The following ERC2 variants were observed in gnomAD, a reference collection of about 807,000 sequenced individuals.
ERC2 encodes the protein ERC protein 2.
Under a neutral mutation model 114.8 loss-of-function variants are expected in ERC2, and 42 were observed. The ratio of observed to expected loss-of-function variants is 0.37; its 90% CI spans 0.29 to 0.47. The LOEUF is 0.47. Ranked by LOEUF, ERC2 falls within the 20% of genes least tolerant of loss-of-function variation. ERC2 has a pLI of 0.99. For synonymous variants in ERC2, 454 were observed against 425.5 expected (o/e 1.07, Z -0.82); for missense variants, 939 against 1,150.7 (o/e 0.82, Z 2.66).
chr3:56,170,665 T>C (rs1343104987), intron 4 of ERC2, among the ~76,000 whole-genome samples: 13 of 148,302 alleles, frequency 8.8e-5, no homozygotes, highest in Non-Finnish European at 5.9e-5. Context: ...GGCGAGATCT[T>C]GGCTCACTGC....
chr3:55,535,317 T>G (rs949537349), intron 17 of ERC2, among the ~76,000 whole-genome samples: 5 of 152,212 alleles, frequency 3.3e-5, no homozygotes, highest in African/African-American at 1.2e-4. Flanking sequence ...GCCAACTTGC[T>G]GGAATTCCAC....
intron 2 of ERC2, among the ~76,000 whole-genome samples, chr3:56,374,348 C>T (rs2150598561): frequency 6.6e-6 from 1 of 152,316 alleles, no homozygotes; most frequent in Non-Finnish European, 1.5e-5. Flanking sequence ...CTGCCCACCT[C>T]AGCCTCCCAA....
chr3:55,693,251 T>C (rs1447154478), intron 16 of ERC2, among the ~76,000 whole-genome samples: 3 of 152,180 alleles, frequency 2.0e-5, no homozygotes, highest in African/African-American at 4.8e-5. Context: ...CAGAATGCAA[T>C]AGGGAAAACC....
At chr3:55,593,074 T>G (rs980504500) in intron 17 of ERC2, among the ~76,000 whole-genome samples, 1 of 152,228 alleles carries the variant, frequency 6.6e-6, no homozygotes, top group Non-Finnish European at 1.5e-5. Context: ...TATGCCATGT[T>G]GTGCTGTGAG....
chr3:56,370,595 GTTT>G (rs71621814), intron 2 of ERC2, among the ~76,000 whole-genome samples: 2 of 124,038 alleles, frequency 1.6e-5, no homozygotes, highest in African/African-American at 3.0e-5. Context: ...GGGTTTTTTT[GTTT>G]TTTTTTTTTT....
chr3:56,152,970 C>T lies in ERC2; in HGVS notation c.1150-3838G>A, dbSNP rs190934588. ...AGGCCCACCGCACTAATGTCTAAGCCAGCCTTAAATACTAGCACTAGCCCA... is the reference window on the plus strand; with the variant it reads ...AGGCCCACCGCACTAATGTCTAAGCTAGCCTTAAATACTAGCACTAGCCCA... On this transcript the variant is annotated intron_variant, in intron 4 of 17. Transcript: ENST00000288221. Among the ~76,000 whole-genome samples the T allele has an allele frequency of 2.4e-3, 370 of 152,260 alleles. 3 individuals are homozygous for T. Among genetic ancestry groups the T allele is most frequent in the African/African-American group, 8.4e-3 (349 of 41,542 alleles).
At chr3:55,797,511 C>A (rs1331654436) in intron 14 of ERC2, among the ~76,000 whole-genome samples, 1 of 152,218 alleles carries the variant, frequency 6.6e-6, no homozygotes, top group Non-Finnish European at 1.5e-5. Context: ...ATTTCAGTCA[C>A]TTGCGGTTCC....
intron 17 of ERC2, among the ~76,000 whole-genome samples, chr3:55,599,452 C>T (rs1575716772): frequency 6.6e-6 from 1 of 152,176 alleles, no homozygotes; most frequent in Non-Finnish European, 1.5e-5. Context: ...AGTGTCTATG[C>T]ACACACCAGA....
At chr3:56,036,263 A>G (rs1002212687) in intron 7 of ERC2, among the ~76,000 whole-genome samples, 1 of 152,218 alleles carries the variant, frequency 6.6e-6, no homozygotes, top group Non-Finnish European at 1.5e-5. Context: ...CTCAATGGAG[A>G]GAAGCTGAAA....
chr3:56,401,414 G>C (rs1546061), intron 2 of ERC2, among the ~76,000 whole-genome samples: 68,716 of 151,970 alleles, frequency 0.45, 16,613 homozygotes, highest in African/African-American at 0.61. Context: ...AAATCTTTTT[G>C]TATGTAAATT....
At chr3:56,457,522 A>T (rs1363516958) in intron 1 of ERC2, among the ~76,000 whole-genome samples, 2 of 152,134 alleles carry the variant, frequency 1.3e-5, no homozygotes, top group African/African-American at 2.4e-5. Flanking sequence ...ATGACGGTGA[A>T]ATAAAAGGAG....
At chr3:56,009,670 G>A (rs1261767268) in intron 9 of ERC2, among the ~76,000 whole-genome samples, 3 of 152,130 alleles carry the variant, frequency 2.0e-5, no homozygotes, top group Non-Finnish European at 2.9e-5. Context: ...GCATCTCAGA[G>A]CTGTGAGGAT....
chr3:56,369,826 G>A lies in ERC2; in HGVS notation c.657+64525C>T, dbSNP rs181002095. ...TGAGTATCTGGGACTACAGGTGCACGCCATCACGCCCGGCTAATTTTTGTA... is the reference window on the plus strand; with the variant it reads ...TGAGTATCTGGGACTACAGGTGCACACCATCACGCCCGGCTAATTTTTGTA... On this transcript the variant is annotated intron_variant, in intron 2 of 17. Transcript: ENST00000288221. Among the ~76,000 whole-genome samples, 15 of 152,170 alleles carry A rather than the reference G, an allele frequency of 9.9e-5. No homozygotes were observed. The East Asian group carries it at 2.3e-3, about 24-fold the overall frequency.
rs2051928339 is a variant in ERC2, at chr3:55,509,102, A to T, written c.*2214T>A. The T allele has an allele frequency of 1.3e-5, 2 of 152,688 alleles. No homozygotes were observed. The highest frequency in any genetic ancestry group is 6.5e-5 in the Admixed American group (1 of 15,290). 9.5% of individuals were successfully genotyped at this position (152,688 alleles called of 1,614,324 possible). ...GAGAATTTAATTTTTAAGGGACTAA[A>T]TTATACGACCTCATAAAGGTAAGAT... On this transcript the variant is annotated 3_prime_UTR_variant, in exon 18 of 18. Coordinates refer to ENST00000288221, the MANE Select transcript of ERC2 (RefSeq NM_015576.3).
At chr3:55,679,244 A>T (rs2061947935) in intron 17 of ERC2, among the ~76,000 whole-genome samples, 1 of 152,160 alleles carries the variant, frequency 6.6e-6, no homozygotes, top group South Asian at 2.1e-4. Flanking sequence ...TCTTCAGCTT[A>T]TAAACTCCTT....
At chr3:55,769,127 G>A (rs1450402165) in intron 14 of ERC2, among the ~76,000 whole-genome samples, 1 of 152,138 alleles carries the variant, frequency 6.6e-6, no homozygotes, top group Non-Finnish European at 1.5e-5. Flanking sequence ...GGAGGCCTCC[G>A]AAGGCTCCAG....
intron 7 of ERC2, among the ~76,000 whole-genome samples, chr3:56,069,851 C>G (rs1422669820): frequency 6.6e-6 from 1 of 152,124 alleles, no homozygotes; most frequent in South Asian, 2.1e-4. Flanking sequence ...AATACAACTT[C>G]CATGAAAACA....
intron 14 of ERC2, among the ~76,000 whole-genome samples, chr3:55,772,460 A>G (rs1237306764): frequency 2.6e-5 from 4 of 152,066 alleles, no homozygotes; most frequent in Admixed American, 2.0e-4. Flanking sequence ...GACTACAGGC[A>G]CCCGCCACCA....
At chr3:56,064,924 A>G (rs534662643) in intron 7 of ERC2, among the ~76,000 whole-genome samples, 177 of 152,348 alleles carry the variant, frequency 1.2e-3, no homozygotes, top group African/African-American at 4.2e-3. Context: ...TTATTTACTC[A>G]ATCTATTACA....
Sources: allele counts gnomAD v4.1 joint callset (sites outside exome capture counted in the v4.1 genomes callset), GRCh38; gene constraint gnomAD v4.1.1; transcripts MANE v1.5; gene names NCBI Gene and HGNC (gene_info 2026-07-23, HGNC 2026-07-21).